The following SCART1 variants were observed in gnomAD, a reference collection of about 807,000 sequenced individuals.
SCART1 encodes the protein scavenger receptor cysteine-rich domain-containing protein SCART1.
SCART1 carries 62 observed loss-of-function variants against 36.2 expected under a neutral mutation model. That is an observed-to-expected ratio of 1.71 (90% CI 1.40 to 2.12). SCART1 has a LOEUF of 2.12. Ranked by LOEUF, SCART1 falls within the 30% of genes most tolerant of loss-of-function variation. The pLI is 0.00. For missense variants in SCART1, 1,041 were observed against 540.5 expected (o/e 1.93, Z -9.18); for synonymous variants, 487 against 238.7 (o/e 2.04, Z -9.59).
chr10:133,460,383 T>G (rs1211022815), intron 6 of SCART1, among the ~76,000 whole-genome samples: 1 of 151,474 alleles, frequency 6.6e-6, no homozygotes, highest in Non-Finnish European at 1.5e-5. Flanking sequence ...GTCAGCTTCC[T>G]GTCGCAGGTT....
rs746703382 is a variant in SCART1 at position 133,459,663 on chromosome 10, G to A, written c.1462G>A (p.Ala488Thr). Residue 488 changes from alanine (A) to threonine (T), a missense_variant, in exon 6 of 12, where the codon GCC becomes ACC. Coordinates refer to ENST00000640237, the Ensembl canonical transcript of SCART1. ...GGCCCAGCAAGCCTATGACGCACCT[G>A]CCCCCAGCCGCGGATCCGTCCAGGT... is the stretch of plus-strand genomic sequence containing the variant. 4.3e-6 allele frequency: 3 copies of A among 695,496 alleles called. No individual in the cohort carries two copies. In the South Asian group the frequency reaches 4.5e-5, roughly 10 times the overall value. The allele number at this position is 695,496 out of a possible 1,614,324, so 43.1% of individuals were successfully genotyped here. A position where few individuals can be genotyped will look rare whatever the true frequency, so the allele number is the denominator to read the frequency against.
At chr10:133,464,717 C>T (rs11101764) in exon 7 of SCART1, 121 of 701,042 alleles carry the variant, frequency 1.7e-4, no homozygotes, top group Non-Finnish European at 3.0e-4. Flanking sequence ...AAGGACCTCT[C>T]CTTGTCCATC....
At chr10:133,461,070 T>TTTATTA (rs138591920) in intron 6 of SCART1, among the ~76,000 whole-genome samples, 13 of 151,580 alleles carry the variant, frequency 8.6e-5, no homozygotes, top group Non-Finnish European at 1.5e-4. Flanking sequence ...GTGGATGAGC[T>TTTATTA]TTATTATTAT....
chr10:133,457,929 G>A (rs949503881), intron 3 of SCART1: 10 of 510,846 alleles, frequency 2.0e-5, no homozygotes, highest in Non-Finnish European at 3.2e-5. Context: ...CTGTGTGTGA[G>A]CTGCACTGGC....
At position 133,459,042 on chromosome 10, in the gene SCART1, G is replaced by A. The variant is rs184423411; in HGVS notation, c.1001G>A (p.Ser334Asn). The A allele has an allele frequency of 1.4e-3, 942 of 694,130 alleles. 17 individuals are homozygous for A. Among genetic ancestry groups the A allele is most frequent in the Admixed American group, 5.3e-4 (26 of 49,062 alleles). 43.0% of individuals were successfully genotyped at this position (694,130 alleles called of 1,614,324 possible). The change falls in exon 5 of 12, where the codon AGC becomes AAC. Residue 334 changes from serine to asparagine, a missense_variant. Ser to Asn is a conservative substitution (Grantham distance 46). Coordinates refer to ENST00000640237, the Ensembl canonical transcript of SCART1. ...CCAGAGTTCAGGATGGTCAACGGCA[G>A]CAGCAGCTGTGAGGGCCGCGTGGAG...
intron 2 of SCART1, chr10:133,457,009 G>A: frequency 1.8e-6 from 1 of 547,094 alleles, no homozygotes; most frequent in Non-Finnish European, 3.2e-6. Flanking sequence ...TGCCTCTGAG[G>A]CTGAACCACC....
chr10:133,460,729 G>C (rs1447351863), intron 6 of SCART1, among the ~76,000 whole-genome samples: 1 of 150,594 alleles, frequency 6.6e-6, no homozygotes. Context: ...TCCATATTTT[G>C]GTGTACTGGA....
rs536253578 is a variant in SCART1 at position 133,456,516 on chromosome 10, C to T, written c.347C>T (p.Pro116Leu). The T allele has an allele frequency of 1.3e-3, 883 of 685,176 alleles. 6 individuals carry two copies. The highest frequency in any genetic ancestry group is 0.013 in the African/African-American group (721 of 57,032). 42.4% of individuals were successfully genotyped at this position (685,176 alleles called of 1,614,324 possible). Reference sequence around the variant, plus strand: ...AGCCTTGGCTCATGGTGCCAGAGCCCGTGCCCCCACGCATGGGTGGTGGTC... The same window carrying T: ...AGCCTTGGCTCATGGTGCCAGAGCCTGTGCCCCCACGCATGGGTGGTGGTC... Residue 116 changes from proline to leucine, a missense_variant, in exon 2 of 12, where the codon CCG becomes CTG. Transcript: ENST00000640237.
rs1850767217 is a variant in SCART1, at chr10:133,466,455, T to G, written c.2806+74T>G. On this transcript the variant is annotated intron_variant, in intron 10 of 11. Coordinates refer to ENST00000640237, the Ensembl canonical transcript of SCART1. ...AGCAGCTCACAGCTCCAGCCTGGTGTTGGGGTCTGGGCAGGCGGGGTGCCC... is the reference window on the plus strand; with the variant it reads ...AGCAGCTCACAGCTCCAGCCTGGTGGTGGGGTCTGGGCAGGCGGGGTGCCC... 3 of 670,468 alleles carry G rather than the reference T, an allele frequency of 4.5e-6. No individual in the cohort carries two copies. The South Asian group carries it at 4.9e-5, about 11-fold the overall frequency. 41.5% of individuals were successfully genotyped at this position (670,468 alleles called of 1,614,324 possible).
chr10:133,464,395 G>T (rs1850738678), intron 6 of SCART1: 1 of 509,586 alleles, frequency 2.0e-6, no homozygotes, highest in Admixed American at 3.7e-5. Flanking sequence ...AGATGTTTCT[G>T]CTGGGCTGAT....
At chr10:133,455,889 G>A (rs946492748) in intron 1 of SCART1, among the ~76,000 whole-genome samples, 11 of 152,174 alleles carry the variant, frequency 7.2e-5, no homozygotes, top group Non-Finnish European at 8.8e-5. Context: ...AGACCACAGG[G>A]CCTCCAGTGG....
exon 10 of SCART1, chr10:133,466,264 G>C (rs1222854151): frequency 1.4e-6 from 1 of 702,946 alleles, no homozygotes; most frequent in South Asian, 1.5e-5. Flanking sequence ...ACTGCCTGCA[G>C]CTCCCTTCCG....
chr10:133,459,515 A>G, exon 6 of SCART1: 1 of 662,324 alleles, frequency 1.5e-6, no homozygotes, highest in Non-Finnish European at 2.7e-6. Flanking sequence ...GACTGAGGGA[A>G]GGACAGAGCC....
chr10:133,458,892 G>A, intron 4 of SCART1, 129 bp from the exon 5 acceptor site: 1 of 625,610 alleles, frequency 1.6e-6, no homozygotes, highest in Non-Finnish European at 2.8e-6. Context: ...AGAGGAGGGT[G>A]GGGGAGCTGG....
chr10:133,469,387 T>TA (rs1329106000), downstream of SCART1, among the ~76,000 whole-genome samples: 199 of 152,308 alleles, frequency 1.3e-3, no homozygotes, highest in African/African-American at 4.2e-3. Flanking sequence ...ATGTGGCACA[T>TA]ATACACCATG....
rs1008755237 is a variant in SCART1 at position 133,457,156 on chromosome 10, T to C, written c.386-123T>C. The C allele has an allele frequency of 6.1e-5, 39 of 641,262 alleles. No homozygotes were observed. In the South Asian group the frequency reaches 6.6e-4, roughly 11 times the overall value. The allele number at this position is 641,262 out of a possible 1,614,324, so 39.7% of individuals were successfully genotyped here. A position where few individuals can be genotyped will look rare whatever the true frequency, so the allele number is the denominator to read the frequency against. On this transcript the variant is annotated intron_variant, in intron 2 of 11. Transcript: ENST00000640237. Reference sequence around the variant, plus strand: ...CCCAGGGCCCTGTGTGACTGCCCGGTCACCTGCCCCTGAAGCTGGCCCTGG... The same window carrying C: ...CCCAGGGCCCTGTGTGACTGCCCGGCCACCTGCCCCTGAAGCTGGCCCTGG...
chr10:133,467,809 C>T (rs1052073919), intron 11 of SCART1, 38 bp from the exon 12 acceptor site: 3 of 633,470 alleles, frequency 4.7e-6, no homozygotes, highest in East Asian at 2.8e-5. Flanking sequence ...ACAACTTGCA[C>T]GTGTGCTGAT....
At chr10:133,467,991 C>A in exon 12 of SCART1, 1 of 660,496 alleles carries the variant, frequency 1.5e-6, no homozygotes, top group Non-Finnish European at 2.8e-6. Flanking sequence ...ATGAGATACA[C>A]CAGCTGGCTG....
Position 133,459,577 on chromosome 10 carries a change from TG to T in SCART1, c.1378del (p.Asp460ThrfsTer39). On this transcript the variant is annotated frameshift_variant, in exon 6 of 12. Coordinates refer to ENST00000640237, the Ensembl canonical transcript of SCART1. LOFTEE classifies it high-confidence loss of function. ...CTGGATGGCGTGTGGGGCCGCGTCC[TG>T]GACGATGCCTGGGACCTGCGCGGCG... 1 of 677,138 alleles carries T rather than the reference TG, an allele frequency of 1.5e-6. No homozygotes were observed. Among genetic ancestry groups the T allele is most frequent in the South Asian group, 1.6e-5 (1 of 62,928 alleles). The allele number at this position is 677,138 out of a possible 1,614,324, so 41.9% of individuals were successfully genotyped here.
Sources: allele counts gnomAD v4.1 joint callset (sites outside exome capture counted in the v4.1 genomes callset), GRCh38; gene constraint gnomAD v4.1.1; transcripts MANE v1.5; gene names NCBI Gene and HGNC (gene_info 2026-07-23, HGNC 2026-07-21).